RP2: variants seen among roughly 807,000 people sequenced by gnomAD.
The protein encoded by RP2 is protein XRP2.
In RP2, 3 loss-of-function variants were observed where a neutral mutation model predicts 20.3. That is an observed-to-expected ratio of 0.15 (90% CI 0.07 to 0.38). The LOEUF (loss-of-function observed/expected upper bound fraction) is 0.38, where lower values mean the gene tolerates loss of function less well. Among genes scored for constraint, RP2 ranks in the 10% least tolerant of loss-of-function variants. The pLI is 1.00. For missense variants in RP2, 233 were observed against 268.5 expected, an observed-to-expected ratio of 0.87 and a Z score of 0.92; for synonymous variants, 75 against 94.8, an observed-to-expected ratio of 0.79 and a Z score of 1.22.
chrX:46,838,810 A>C (rs1037896388), intron 1 of RP2, among the ~76,000 whole-genome samples: 2 of 112,252 alleles, frequency 1.8e-5, no homozygotes, highest in Middle Eastern at 4.2e-3. Flanking sequence ...ATTGAGAAAT[A>C]TAACATTGGA....
At chrX:46,874,472 C>T (rs377156744) in intron 3 of RP2, among the ~76,000 whole-genome samples, 1 of 110,686 alleles carries the variant, frequency 9.0e-6, no homozygotes, top group East Asian at 2.8e-4. Context: ...ACTCATTTTG[C>T]AAATTTCCAA....
In RP2 at chrX:46,864,347, CTT is replaced by C. The variant is rs782091799; in HGVS notation, c.883+4261_883+4262del. On this transcript the variant is annotated intron_variant, in intron 3 of 4. Coordinates refer to ENST00000218340, the MANE Select transcript of RP2 (RefSeq NM_006915.3). ...CAAATTTTCCTTCCTTCCTTCCTTT[CTT>C]TTTTTTTTTTTTTTTGAGACAGGGT... Among the ~76,000 whole-genome samples, 491 of 95,154 alleles carry C rather than the reference CTT, an allele frequency of 5.2e-3. 4 individuals carry two copies. The highest frequency in any genetic ancestry group is 0.016 in the African/African-American group (406 of 25,511). The allele number at this position is 95,154 out of a possible 115,157, so 82.6% of individuals were successfully genotyped here. A position where few individuals can be genotyped will look rare whatever the true frequency, so the allele number is the denominator to read the frequency against.
At chrX:46,875,687 C>T (rs1416703933) in intron 3 of RP2, among the ~76,000 whole-genome samples, 2 of 111,498 alleles carry the variant, frequency 1.8e-5, no homozygotes, top group Non-Finnish European at 3.8e-5. Context: ...TTCAGGCTGG[C>T]TTCTGTCTCC....
At chrX:46,862,191 G>T (rs1254935237) in intron 3 of RP2, among the ~76,000 whole-genome samples, 1 of 110,769 alleles carries the variant, frequency 9.0e-6, no homozygotes, top group African/African-American at 3.3e-5. Flanking sequence ...GGCCAACATG[G>T]TGAAACCCTG....
At chrX:46,839,242 T>A (rs1924569986) in intron 1 of RP2, among the ~76,000 whole-genome samples, 2 of 112,103 alleles carry the variant, frequency 1.8e-5, no homozygotes, top group South Asian at 7.3e-4. Context: ...TTGTTAAATT[T>A]TATACAATTT....
In RP2 at chrX:46,882,214, T is replaced by C. The variant is rs1445501158; in HGVS notation, c.*2445T>C. 2.7e-5 allele frequency: 3 copies of C among 112,755 alleles called. No individual in the cohort carries two copies. The highest frequency in any genetic ancestry group is 3.7e-5 in the Non-Finnish European group (2 of 53,405). The allele number at this position is 112,755 out of a possible 1,213,427, so 9.3% of individuals were successfully genotyped here. On this transcript the variant is annotated 3_prime_UTR_variant, in exon 5 of 5. Transcript: ENST00000218340. Reference sequence around the variant, plus strand: ...TGGTAATTTTATTAAGTTATATGTGTTTAAATATTATATTAGCTTATTTCT... The same window carrying C: ...TGGTAATTTTATTAAGTTATATGTGCTTAAATATTATATTAGCTTATTTCT...
chrX:46,841,998 C>T (rs894705406), intron 1 of RP2, among the ~76,000 whole-genome samples: 18 of 111,900 alleles, frequency 1.6e-4, no homozygotes, highest in African/African-American at 5.2e-4. Context: ...CTCACTGCTC[C>T]GCCTCCTGGA....
At position 46,837,147 on chromosome X, in the gene RP2, G is replaced by C. The variant is rs782026786; in HGVS notation, c.47G>C (p.Arg16Pro). 31 of 1,171,341 alleles carry C rather than the reference G, an allele frequency of 2.6e-5. No homozygotes were observed. The highest frequency in any genetic ancestry group is 3.0e-5 in the Non-Finnish European group (26 of 874,998). The change falls in exon 1 of 5, where the codon CGG (arginine) becomes CCG (proline). Residue 16 changes from arginine (R) to proline (P), a missense_variant. Physicochemically the swap from Arg to Pro is moderately radical, Grantham distance 103. Transcript: ENST00000218340. The stretch of plus-strand genomic sequence containing the variant: ...AGACGGAAGGCTGACAAGGAGTCGC[G>C]GCCCGAGAACGAGGAGGAGCGGCCA... ...SKRRKADKES[R>P]PENEEERPKQ...
chrX:46,877,388 T>C (rs1925387918), intron 3 of RP2, 117 bp from the exon 4 acceptor site: 1 of 546,877 alleles, frequency 1.8e-6, no homozygotes, highest in South Asian at 2.5e-5. Context: ...GCTTTCCTCT[T>C]CCTTCTCTTT....
intron 4 of RP2, among the ~76,000 whole-genome samples, chrX:46,877,864 CTATAG>C (rs1270293106): frequency 2.9e-4 from 32 of 111,210 alleles, no homozygotes; most frequent in Admixed American, 2.8e-3. Context: ...TAAAAACCTT[CTATAG>C]TATATGTTTC....
rs1469818212 is a variant in RP2 at position 46,842,207 on chromosome X, G to A, written c.102+5005G>A. On this transcript the variant is annotated intron_variant, in intron 1 of 4. Coordinates refer to ENST00000218340, the MANE Select transcript of RP2 (RefSeq NM_006915.3). ...TGGGATTACAGGCATGAGCCACAGT[G>A]CCTAGCCGTCTAACTGTGTTTTTGT... Among the ~76,000 whole-genome samples the A allele has an allele frequency of 4.5e-5, 5 of 112,299 alleles. No individual in the cohort carries two copies. The Admixed American group carries it at 4.7e-4, about 11-fold the overall frequency.
chrX:46,876,635 A>T (rs781798539), intron 3 of RP2, among the ~76,000 whole-genome samples: 1 of 111,362 alleles, frequency 9.0e-6, no homozygotes, highest in Admixed American at 9.6e-5. Context: ...GAAAAAAAAA[A>T]TCACAAGCCT....
chrX:46,867,370 G>C (rs909591448), intron 3 of RP2, among the ~76,000 whole-genome samples: 1 of 112,747 alleles, frequency 8.9e-6, no homozygotes, highest in East Asian at 2.8e-4. Context: ...CAAAGTGCTG[G>C]GATTACAGGC....
At chrX:46,863,837 A>G (rs782354539) in intron 3 of RP2, among the ~76,000 whole-genome samples, 2 of 111,784 alleles carry the variant, frequency 1.8e-5, no homozygotes, top group Admixed American at 1.9e-4. Flanking sequence ...GAGAATTCAC[A>G]TGTATCTTAA....
chrX:46,842,784 C>T (rs938765975), intron 1 of RP2, among the ~76,000 whole-genome samples: 3 of 111,641 alleles, frequency 2.7e-5, no homozygotes, highest in Admixed American at 9.6e-5. Flanking sequence ...TTGTCCATAT[C>T]GTAACATGTA....
At chrX:46,871,779 TGAGA>T (rs782812559) in intron 3 of RP2, among the ~76,000 whole-genome samples, 1 of 112,352 alleles carries the variant, frequency 8.9e-6, no homozygotes, top group South Asian at 3.7e-4. Flanking sequence ...CATAAATCAA[TGAGA>T]GAGGAGTGTT....
chrX:46,879,666 TAA>T lies in RP2; in HGVS notation c.970-19_970-18del. On this transcript the variant is annotated intron_variant, in intron 4 of 4. Transcript: ENST00000218340. ...AGTACTTGGTACTGATTTTTTTTTT[TAA>T]TTTTCTATTTAAAATAGATGTTTGT... 9.0e-7 allele frequency: 1 copy of T among 1,106,864 alleles called. No individual in the cohort carries two copies. Among genetic ancestry groups the T allele is most frequent in the Non-Finnish European group, 1.2e-6 (1 of 805,183 alleles). 91.2% of individuals were successfully genotyped at this position (1,106,864 alleles called of 1,213,427 possible).
intron 1 of RP2, among the ~76,000 whole-genome samples, chrX:46,844,177 TAA>T (rs1165563064): frequency 8.9e-6 from 1 of 112,239 alleles, no homozygotes; most frequent in Non-Finnish European, 1.9e-5. Context: ...TTTTTTTATT[TAA>T]AAAAATTTTT....
chrX:46,851,809 G>A (rs1229149303), intron 1 of RP2, among the ~76,000 whole-genome samples: 2 of 112,035 alleles, frequency 1.8e-5, no homozygotes, highest in Admixed American at 9.5e-5. Flanking sequence ...GCTCACGCCT[G>A]TAATCCCAGC....
Sources: allele counts gnomAD v4.1 joint callset (sites outside exome capture counted in the v4.1 genomes callset), GRCh38; gene constraint gnomAD v4.1.1; transcripts MANE v1.5; gene names NCBI Gene and HGNC (gene_info 2026-07-23, HGNC 2026-07-21).